The following TMEM165 variants were observed in gnomAD, a reference collection of about 807,000 sequenced individuals.
TMEM165 encodes putative divalent cation/proton antiporter TMEM165.
In TMEM165, 19 loss-of-function variants were observed where a neutral mutation model predicts 30.0. The ratio of observed to expected loss-of-function variants is 0.63; its 90% CI spans 0.44 to 0.93. The LOEUF (loss-of-function observed/expected upper bound fraction) is 0.93, where lower values mean the gene tolerates loss of function less well. Among genes scored for constraint, TMEM165 ranks in the 40% least tolerant of loss-of-function variants. The pLI is 0.00. For missense variants in TMEM165, 340 were observed against 417.0 expected, an observed-to-expected ratio of 0.82 and a Z score of 1.61; for synonymous variants, 168 against 162.9, an observed-to-expected ratio of 1.03 and a Z score of -0.24.
intron 3 of TMEM165, among the ~76,000 whole-genome samples, chr4:55,447,029 C>T (rs1439865867): frequency 1.3e-5 from 2 of 151,930 alleles, no homozygotes. Context: ...TACCTCAACT[C>T]CCTCAAGTTT....
intron 3 of TMEM165, among the ~76,000 whole-genome samples, chr4:55,435,846 C>T (rs948388100): frequency 2.0e-5 from 3 of 152,202 alleles, no homozygotes; most frequent in African/African-American, 4.8e-5. Flanking sequence ...AGAAAGCAAT[C>T]TATATCTTGA....
intron 1 of TMEM165, among the ~76,000 whole-genome samples, chr4:55,406,478 A>G (rs1225113576): frequency 6.6e-6 from 1 of 152,212 alleles, no homozygotes; most frequent in Non-Finnish European, 1.5e-5. Flanking sequence ...TATTTATGAT[A>G]CTTACACCAT....
chr4:55,427,002 TGTTATA>T (rs1722233225), downstream of TMEM165, among the ~76,000 whole-genome samples: 1 of 151,284 alleles, frequency 6.6e-6, no homozygotes, highest in Non-Finnish European at 1.5e-5. Context: ...ATTGTTTGTT[TGTTATA>T]AAGAAAGAGT....
chr4:55,411,986 TTTCC>T (rs1721521797), intron 2 of TMEM165, 147 bp downstream of exon 2: 8 of 708,482 alleles, frequency 1.1e-5, no homozygotes, highest in Non-Finnish European at 1.7e-5. Flanking sequence ...TTGTGTATCC[TTTCC>T]TTGTGTATCC....
chr4:55,426,970 TAGAC>T (rs773891570), downstream of TMEM165, among the ~76,000 whole-genome samples: 4 of 152,270 alleles, frequency 2.6e-5, no homozygotes, highest in Middle Eastern at 3.4e-3. Flanking sequence ...ACTCTGTGGT[TAGAC>T]AGTCTATATT....
chr4:55,423,581 C>G (rs1029291866), intron 4 of TMEM165: 1 of 152,244 alleles, frequency 6.6e-6, no homozygotes, highest in East Asian at 1.9e-4. Context: ...TGCTAGGATG[C>G]CTGGCTAATT....
intron 1 of TMEM165, chr4:55,399,235 A>C (rs1720853742): frequency 6.6e-6 from 1 of 152,248 alleles, no homozygotes; most frequent in Non-Finnish European, 1.5e-5. Flanking sequence ...TCTTTAGTCC[A>C]CTTGGGGAGA....
chr4:55,415,594 A>T (rs959484440), intron 2 of TMEM165: 1 of 152,188 alleles, frequency 6.6e-6, no homozygotes, highest in African/African-American at 2.4e-5. Flanking sequence ...AGAGCTAGAA[A>T]ATATATGCTT....
At chr4:55,442,488 T>C (rs749480764) in intron 3 of TMEM165, 6 of 1,606,356 alleles carry the variant, frequency 3.7e-6, no homozygotes. Flanking sequence ...TGCTGTTTTG[T>C]GGCATACTAG....
At chr4:55,413,745 A>T (rs1314730867) in intron 2 of TMEM165, among the ~76,000 whole-genome samples, 1 of 152,240 alleles carries the variant, frequency 6.6e-6, no homozygotes, top group South Asian at 2.1e-4. Flanking sequence ...TTAACATTTT[A>T]TCCCATTTGT....
At chr4:55,447,042 T>G (rs1345594688) in intron 3 of TMEM165, among the ~76,000 whole-genome samples, 1 of 152,080 alleles carries the variant, frequency 6.6e-6, no homozygotes, top group African/African-American at 2.4e-5. Context: ...TCAAGTTTTT[T>G]TTTTTGTTTT....
chr4:55,437,380 A>C (rs769458359), intron 3 of TMEM165, among the ~76,000 whole-genome samples: 4 of 152,226 alleles, frequency 2.6e-5, no homozygotes, highest in Non-Finnish European at 5.9e-5. Flanking sequence ...CAGCTAGGCC[A>C]GAAGGGGAAA....
downstream of TMEM165, chr4:55,429,515 A>C (rs1361789826): frequency 1.3e-5 from 2 of 151,958 alleles, no homozygotes; most frequent in Admixed American, 1.3e-4. Context: ...TTGACACCAT[A>C]TTAAAGACAG....
chr4:55,443,667 G>T (rs745780630), intron 3 of TMEM165: 1 of 1,594,086 alleles, frequency 6.3e-7, no homozygotes, highest in Admixed American at 1.7e-5. Context: ...TCCATAGCCC[G>T]CTGTGCTCAG....
rs150012219 is a variant in TMEM165 at position 55,444,740 on chromosome 4, G to C, written c.409-7499G>C. The C allele has an allele frequency of 6.8e-6, 11 of 1,613,846 alleles. No homozygotes were observed. The African/African-American group carries it at 1.2e-4, about 18-fold the overall frequency. On this transcript the variant is annotated intron_variant, in intron 3 of 3. Coordinates refer to the TMEM165 transcript ENST00000608091. The stretch of plus-strand genomic sequence containing the variant: ...ATCATGCGTGTCCGTTGTTCCAATT[G>C]GTCTTTCAGATGTTGCATGGCTCCT...
At chr4:55,447,994 C>G (rs1577692512) in intron 3 of TMEM165, among the ~76,000 whole-genome samples, 1 of 151,502 alleles carries the variant, frequency 6.6e-6, no homozygotes. Context: ...GGAATTACTC[C>G]CCCTTTTTTT....
intron 4 of TMEM165, among the ~76,000 whole-genome samples, chr4:55,422,471 T>C (rs1386257794): frequency 6.6e-6 from 1 of 152,102 alleles, no homozygotes; most frequent in Non-Finnish European, 1.5e-5. Context: ...TTGTCCAGGT[T>C]GGTCTCAAAC....
intron 2 of TMEM165, chr4:55,416,214 T>G (rs1251437229): frequency 2.0e-5 from 3 of 152,220 alleles, no homozygotes; most frequent in African/African-American, 7.2e-5. Context: ...TAGTTGTTTT[T>G]GTTTGTTTAT....
At chr4:55,413,357 C>A (rs190528522) in intron 2 of TMEM165, among the ~76,000 whole-genome samples, 324 of 152,048 alleles carry the variant, frequency 2.1e-3, no homozygotes, top group African/African-American at 7.2e-3. Flanking sequence ...CTCTGTCACC[C>A]AGGCCGGAGT....
Sources: gnomAD v4.1 joint callset for allele counts (sites outside exome capture counted in the v4.1 genomes callset) on GRCh38, gnomAD v4.1.1 for gene constraint, MANE v1.5 for transcripts, NCBI Gene and HGNC (gene_info 2026-07-23, HGNC 2026-07-21) for gene names.